The following LRPPRC variants were observed in gnomAD, a reference collection of about 807,000 sequenced individuals.
LRPPRC encodes leucine rich pentatricopeptide repeat containing, also known as leucine-rich PPR motif-containing protein, mitochondrial.
In LRPPRC, 120 loss-of-function variants were observed where a neutral mutation model predicts 180.3. That is an observed-to-expected ratio of 0.67 (90% CI 0.57 to 0.77). The LOEUF is 0.77. Among genes scored for constraint, LRPPRC ranks in the 30% least tolerant of loss-of-function variants. LRPPRC has a pLI of 0.00. For synonymous variants in LRPPRC, 723 were observed against 600.0 expected (o/e 1.21, Z -3.00); for missense variants, 2,012 against 1,657.2 (o/e 1.21, Z -3.72).
At chr2:43,968,937 G>A (rs1478038554) in intron 11 of LRPPRC, among the ~76,000 whole-genome samples, 1 of 152,088 alleles carries the variant, frequency 6.6e-6, no homozygotes, top group Non-Finnish European at 1.5e-5. Context: ...GTTTATGGTT[G>A]TTAATTAACT....
rs1672726495 is a variant in LRPPRC at position 43,947,385 on chromosome 2, AAAG to A, written c.1966-18_1966-16del. 2 of 1,308,070 alleles carry A rather than the reference AAAG, an allele frequency of 1.5e-6. No individual in the cohort carries two copies. The highest frequency in any genetic ancestry group is 2.2e-6 in the Non-Finnish European group (2 of 904,258). 81.0% of individuals were successfully genotyped at this position (1,308,070 alleles called of 1,614,324 possible). On this transcript the variant is annotated splice_polypyrimidine_tract_variant and intron_variant, in intron 19 of 37. Coordinates refer to ENST00000260665, the MANE Select transcript of LRPPRC (RefSeq NM_133259.4). ...AGTTGCACAGTCTACAGAAAAGAAA[AAAG>A]AAAAGAAAAATTTCCTGAAAAAGGA...
chr2:43,894,457 A>C (rs569434060), intron 36 of LRPPRC, 88 bp downstream of exon 36: 1 of 727,296 alleles, frequency 1.4e-6, no homozygotes, highest in East Asian at 2.7e-5. Flanking sequence ...GACTTAGTTC[A>C]CTATACTACA....
Position 43,934,785 on chromosome 2 carries a change from T to C in LRPPRC, c.2598A>G (p.Val866=), listed in dbSNP as rs1185280179. The change falls in exon 24 of 38, where the codon GTA becomes GTG. Residue 866 remains valine (V), a synonymous_variant. Transcript: ENST00000260665. The part of the protein sequence containing the change: ...PRIHDVLCKL[V]EKGETDLIQK... ...GAATTAGATCAGTCTCGCCTTTCTC[T>C]ACCAGTTTACACAAGACATCATGAA... The C allele has an allele frequency of 8.7e-6, 14 of 1,612,358 alleles. No individual in the cohort carries two copies. In the Admixed American group the frequency reaches 2.3e-4, roughly 27 times the overall value.
intron 1 of LRPPRC, among the ~76,000 whole-genome samples, chr2:43,988,183 G>A (rs1377793616): frequency 2.7e-5 from 4 of 146,712 alleles, no homozygotes; most frequent in Non-Finnish European, 5.9e-5. Flanking sequence ...GAGGGTGCAA[G>A]TGAGCCAAGA....
chr2:43,894,773 A>G, intron 35 of LRPPRC, 144 bp from the exon 36 acceptor site: 1 of 626,266 alleles, frequency 1.6e-6, no homozygotes, highest in South Asian at 1.9e-5. Flanking sequence ...TGTCCCTTGT[A>G]TATTAGCATT....
Position 43,889,885 on chromosome 2 carries a change from A to C in LRPPRC, c.3986-9T>G, listed in dbSNP as rs933886588. ...GACATCTTTCTCTGAGACTGACATA[A>C]AGAAAAAAATATATTAATCAGAGAT... On this transcript the variant is annotated splice_polypyrimidine_tract_variant and intron_variant, in intron 36 of 37. Coordinates refer to ENST00000260665, the MANE Select transcript of LRPPRC (RefSeq NM_133259.4). The C allele has an allele frequency of 6.3e-7, 1 of 1,595,742 alleles. No individual in the cohort carries two copies. The highest frequency in any genetic ancestry group is 8.6e-7 in the Non-Finnish European group (1 of 1,163,324).
intron 23 of LRPPRC, 147 bp downstream of exon 23, chr2:43,943,540 C>T (rs1446726106): frequency 1.2e-5 from 8 of 678,470 alleles, no homozygotes; most frequent in Admixed American, 2.2e-5. Context: ...TTTTAAAGGT[C>T]ACCTAGTTCA....
chr2:43,894,016 T>C (rs1405106304), intron 36 of LRPPRC, among the ~76,000 whole-genome samples: 2 of 152,182 alleles, frequency 1.3e-5, no homozygotes, highest in African/African-American at 4.8e-5. Flanking sequence ...TATGTGATTG[T>C]CTGGCAATCA....
intron 29 of LRPPRC, among the ~76,000 whole-genome samples, chr2:43,916,706 C>T (rs1671480493): frequency 6.6e-6 from 1 of 152,054 alleles, no homozygotes; most frequent in East Asian, 1.9e-4. Context: ...GCAATCCCAA[C>T]ACTTCGTGAG....
chr2:43,925,041 G>A lies in LRPPRC; in HGVS notation c.2896+26C>T, dbSNP rs4952694. 0.54 allele frequency: 671,075 copies of A among 1,241,808 alleles called. 191,033 individuals are homozygous for A. Among genetic ancestry groups the A allele is most frequent in the East Asian group, 0.94 (40,713 of 43,202 alleles). 76.9% of individuals were successfully genotyped at this position (1,241,808 alleles called of 1,614,324 possible). On this transcript the variant is annotated intron_variant, in intron 27 of 37. Transcript: ENST00000260665. ...ACTGCCTTCAACAGAATAAATGAAA[G>A]CGTGAAGAATAGTTAAATCACTTAC...
Position 43,934,896 on chromosome 2 carries a change from T to G in LRPPRC, c.2505-18A>C. On this transcript the variant is annotated intron_variant, in intron 23 of 37. Coordinates refer to ENST00000260665, the MANE Select transcript of LRPPRC (RefSeq NM_133259.4). ...GGTCGCCCCTTAGAAACAAAAAAATTAGCAATGAATAAAATAAATCGAATT... is the reference window on the plus strand; with the variant it reads ...GGTCGCCCCTTAGAAACAAAAAAATGAGCAATGAATAAAATAAATCGAATT... 1 of 1,607,692 alleles carries G rather than the reference T, an allele frequency of 6.2e-7. No homozygotes were observed. The highest frequency in any genetic ancestry group is 8.5e-7 in the Non-Finnish European group (1 of 1,174,688).
chr2:43,889,182 G>A (rs1428080259), intron 37 of LRPPRC, among the ~76,000 whole-genome samples: 2 of 151,842 alleles, frequency 1.3e-5, no homozygotes, highest in East Asian at 1.9e-4. Context: ...AGGCATGGTG[G>A]CAGGCCCCTG....
chr2:43,972,770 A>C (rs1472998804), intron 11 of LRPPRC, among the ~76,000 whole-genome samples: 1 of 152,200 alleles, frequency 6.6e-6, no homozygotes, highest in African/African-American at 2.4e-5. Flanking sequence ...TGCTAAAAGC[A>C]CTTTTTTTGT....
At chr2:43,931,006 T>G (rs1672068344) in intron 25 of LRPPRC, among the ~76,000 whole-genome samples, 1 of 152,144 alleles carries the variant, frequency 6.6e-6, no homozygotes, top group Non-Finnish European at 1.5e-5. Flanking sequence ...TACTCATTCT[T>G]TTTTTTCCAA....
At chr2:43,945,776 GA>G (rs1672658518) in intron 21 of LRPPRC, among the ~76,000 whole-genome samples, 1 of 152,034 alleles carries the variant, frequency 6.6e-6, no homozygotes, top group African/African-American at 2.4e-5. Flanking sequence ...GAAATGGATA[GA>G]ATTTTATTTA....
intron 32 of LRPPRC, among the ~76,000 whole-genome samples, chr2:43,901,069 AG>A (rs1401467331): frequency 6.6e-6 from 1 of 152,246 alleles, no homozygotes; most frequent in Non-Finnish European, 1.5e-5. Flanking sequence ...ATATATACAC[AG>A]GAATGAGAAA....
chr2:43,924,365 G>A (rs1393571633), intron 27 of LRPPRC, among the ~76,000 whole-genome samples: 1 of 152,146 alleles, frequency 6.6e-6, no homozygotes, highest in East Asian at 1.9e-4. Flanking sequence ...GAAAGTTTCA[G>A]AAATGTCAAA....
intron 13 of LRPPRC, among the ~76,000 whole-genome samples, chr2:43,959,983 C>G (rs1048706255): frequency 6.6e-6 from 1 of 152,178 alleles, no homozygotes; most frequent in Non-Finnish European, 1.5e-5. Context: ...TAACCTTGGG[C>G]AAATCATTTA....
At chr2:43,950,714 T>C (rs1324710010) in intron 14 of LRPPRC, 114 bp from the exon 15 acceptor site, 3 of 776,070 alleles carry the variant, frequency 3.9e-6, no homozygotes, top group Non-Finnish European at 6.8e-6. Flanking sequence ...AAATGTTTGC[T>C]GTATCAGGAT....
Sources: gnomAD v4.1 joint callset for allele counts (sites outside exome capture counted in the v4.1 genomes callset) on GRCh38, gnomAD v4.1.1 for gene constraint, MANE v1.5 for transcripts, NCBI Gene and HGNC (gene_info 2026-07-23, HGNC 2026-07-21) for gene names.